The following RANBP2 variants were observed in gnomAD, a reference collection of about 807,000 sequenced individuals.
The protein encoded by RANBP2 is RAN binding protein 2.
Under a neutral mutation model 303.6 loss-of-function variants are expected in RANBP2, and 57 were observed. The observed-to-expected ratio is 0.19, with a 90% CI of 0.15 to 0.23. The LOEUF is 0.23. Among genes scored for constraint, RANBP2 ranks in the 10% least tolerant of loss-of-function variants. The probability of loss-of-function intolerance (pLI) is 1.00; values close to 1 mark genes in which losing one functional copy is unlikely to be tolerated. For synonymous variants in RANBP2, 1,167 were observed against 1,301.5 expected (o/e 0.90, Z 2.23); for missense variants, 3,138 against 3,780.8 (o/e 0.83, Z 4.46).
At chr2:108,878,087 A>G in the RANBP2 span, among the ~76,000 whole-genome samples, 1 of 152,226 alleles carries the variant, frequency 6.6e-6, no homozygotes, top group Non-Finnish European at 1.5e-5. Context: ...GAAATGACTT[A>G]AAGATTAATC....
the RANBP2 span, among the ~76,000 whole-genome samples, chr2:109,334,142 T>G: frequency 6.6e-6 from 1 of 152,136 alleles, no homozygotes; most frequent in Non-Finnish European, 1.5e-5. Flanking sequence ...GAGGACTGTT[T>G]GAGCCCACAA....
At chr2:108,888,357 T>G in the RANBP2 span, among the ~76,000 whole-genome samples, 1 of 152,172 alleles carries the variant, frequency 6.6e-6, no homozygotes, top group East Asian at 1.9e-4. Context: ...TGTCTGGTTT[T>G]GGTATTAGGG....
chr2:108,879,713 G>T, the RANBP2 span, among the ~76,000 whole-genome samples: 10 of 152,020 alleles, frequency 6.6e-5, no homozygotes, highest in Non-Finnish European at 1.3e-4. Flanking sequence ...AAAAGAAATG[G>T]GGTTAGGGAG....
the RANBP2 span, among the ~76,000 whole-genome samples, chr2:109,116,318 C>A: frequency 4.6e-5 from 7 of 152,180 alleles, no homozygotes; most frequent in Non-Finnish European, 2.9e-5. Flanking sequence ...TTCTTGGAGG[C>A]TTTGTTCGTT....
chr2:109,409,253 G>A, the RANBP2 span, among the ~76,000 whole-genome samples: 1 of 152,186 alleles, frequency 6.6e-6, no homozygotes, highest in African/African-American at 2.4e-5. Context: ...AGGGGAAGAG[G>A]TTCATCTTCT....
chr2:108,927,215 C>A, the RANBP2 span, among the ~76,000 whole-genome samples: 1 of 152,206 alleles, frequency 6.6e-6, no homozygotes, highest in Non-Finnish European at 1.5e-5. Context: ...CCCTTGCCTG[C>A]CCAGCAGGTG....
the RANBP2 span, among the ~76,000 whole-genome samples, chr2:109,501,260 C>T: frequency 3.3e-5 from 5 of 152,264 alleles, no homozygotes; most frequent in East Asian, 9.7e-4. Context: ...TGAAACAGTC[C>T]AGCTTCTTCG....
chr2:109,122,975 G>A, the RANBP2 span, among the ~76,000 whole-genome samples: 1 of 152,188 alleles, frequency 6.6e-6, no homozygotes. Flanking sequence ...TTGTGTCTTA[G>A]GCAGCCTCGG....
chr2:109,449,431 T>C, the RANBP2 span: 2 of 1,613,900 alleles, frequency 1.2e-6, no homozygotes, highest in African/African-American at 2.7e-5. Context: ...ATCGGTGTTC[T>C]GTCCACATCC....
chr2:109,396,502 G>A, the RANBP2 span, among the ~76,000 whole-genome samples: 1 of 152,218 alleles, frequency 6.6e-6, no homozygotes, highest in Non-Finnish European at 1.5e-5. Context: ...GCACGGAGCA[G>A]CCCTGTGATG....
At chr2:109,365,212 C>T in the RANBP2 span, among the ~76,000 whole-genome samples, 1 of 152,186 alleles carries the variant, frequency 6.6e-6, no homozygotes, top group South Asian at 2.1e-4. Flanking sequence ...GGATTTTTCT[C>T]TGATATTCAC....
chr2:108,777,272 A>T, intron 25 of RANBP2, 41 bp downstream of exon 25: 1 of 1,528,302 alleles, frequency 6.5e-7, no homozygotes, highest in South Asian at 1.2e-5. Flanking sequence ...ATTGTTACAG[A>T]ATCAAGCACA....
At chr2:108,820,911 G>A in the RANBP2 span, among the ~76,000 whole-genome samples, 1 of 152,042 alleles carries the variant, frequency 6.6e-6, no homozygotes, top group Admixed American at 6.6e-5. Context: ...AACATTCTGT[G>A]TTAAAGGCAA....
the RANBP2 span, chr2:109,574,868 A>G: frequency 1.5e-4 from 112 of 758,442 alleles, no homozygotes; most frequent in Non-Finnish European, 2.1e-4. Context: ...ACTAATTAAT[A>G]AACAGTTAAT....
the RANBP2 span, among the ~76,000 whole-genome samples, chr2:109,046,146 T>C: frequency 6.6e-6 from 1 of 151,440 alleles, no homozygotes; most frequent in Non-Finnish European, 1.5e-5. Context: ...CTACTAAAAA[T>C]ACAAAAAATT....
At chr2:109,565,524 C>T in the RANBP2 span, among the ~76,000 whole-genome samples, 1 of 152,298 alleles carries the variant, frequency 6.6e-6, no homozygotes, top group Non-Finnish European at 1.5e-5. Flanking sequence ...GGTCAGAGTG[C>T]CCCACTGGTG....
the RANBP2 span, among the ~76,000 whole-genome samples, chr2:108,868,699 A>T: frequency 6.6e-6 from 1 of 152,110 alleles, no homozygotes; most frequent in Non-Finnish European, 1.5e-5. Context: ...TATAATTGGC[A>T]CTCATTCCCA....
At chr2:109,248,715 GCCT>G in the RANBP2 span, among the ~76,000 whole-genome samples, 1 of 151,566 alleles carries the variant, frequency 6.6e-6, no homozygotes, top group African/African-American at 2.4e-5. Flanking sequence ...TTCTTTCCTT[GCCT>G]CCTTCTTTTC....
At chr2:109,677,702 A>G in the RANBP2 span, among the ~76,000 whole-genome samples, 1 of 152,130 alleles carries the variant, frequency 6.6e-6, no homozygotes, top group Non-Finnish European at 1.5e-5. Context: ...CCTGTCTCTG[A>G]CAACAGCTGT....
Sources: gnomAD v4.1 joint callset for allele counts (sites outside exome capture counted in the v4.1 genomes callset) on GRCh38, gnomAD v4.1.1 for gene constraint, MANE v1.5 for transcripts, NCBI Gene and HGNC (gene_info 2026-07-23, HGNC 2026-07-21) for gene names.